Variants in UNC5D observed in about 807,000 individuals in gnomAD.
The protein encoded by UNC5D is netrin receptor UNC5D.
Under a neutral mutation model 105.4 loss-of-function variants are expected in UNC5D, and 39 were observed. That is an observed-to-expected ratio of 0.37 (90% confidence interval 0.29 to 0.48). UNC5D has a LOEUF of 0.48. UNC5D is among the 20% of genes least tolerant of loss of function. The pLI is 0.98. For synonymous variants in UNC5D, 452 were observed against 450.4 expected, an observed-to-expected ratio of 1.00 and a Z score of -0.04; for missense variants, 991 against 1,202.4, an observed-to-expected ratio of 0.82 and a Z score of 2.60.
intron 14 of UNC5D, among the ~76,000 whole-genome samples, chr8:35,761,924 G>A (rs1801553085): frequency 1.3e-5 from 2 of 152,260 alleles, no homozygotes; most frequent in East Asian, 3.9e-4. Context: ...CATGGAGAAT[G>A]GATAATGGCT....
chr8:35,244,703 G>A (rs1802982977), intron 1 of UNC5D, among the ~76,000 whole-genome samples: 1 of 152,092 alleles, frequency 6.6e-6, no homozygotes, highest in South Asian at 2.1e-4. Context: ...TTTTTCTCAG[G>A]TTTTGTTTTT....
intron 11 of UNC5D, among the ~76,000 whole-genome samples, chr8:35,747,588 G>C (rs1830067455): frequency 6.6e-6 from 1 of 152,058 alleles, no homozygotes; most frequent in Non-Finnish European, 1.5e-5. Context: ...GCAAACAAAG[G>C]ATCAAATAGC....
intron 1 of UNC5D, among the ~76,000 whole-genome samples, chr8:35,520,210 C>T (rs142162745): frequency 4.6e-5 from 7 of 152,094 alleles, no homozygotes; most frequent in African/African-American, 9.6e-5. Flanking sequence ...TAGCCAGACA[C>T]GAAATATTAT....
chr8:35,453,474 T>C (rs1808296684), intron 1 of UNC5D, among the ~76,000 whole-genome samples: 1 of 152,160 alleles, frequency 6.6e-6, no homozygotes. Flanking sequence ...TAAATGATTA[T>C]TATTTGAGGC....
chr8:35,325,435 T>A (rs1288675351), intron 1 of UNC5D, among the ~76,000 whole-genome samples: 1 of 152,066 alleles, frequency 6.6e-6, no homozygotes, highest in Non-Finnish European at 1.5e-5. Flanking sequence ...AAAGTAAGAT[T>A]GAAAAACCTA....
intron 1 of UNC5D, among the ~76,000 whole-genome samples, chr8:35,314,171 C>T (rs1392858722): frequency 3.3e-5 from 5 of 152,204 alleles, no homozygotes; most frequent in South Asian, 2.1e-4. Context: ...TAAAAGCAAG[C>T]GATTCCAAAC....
At chr8:35,332,611 C>G (rs1041479250) in intron 1 of UNC5D, among the ~76,000 whole-genome samples, 1 of 152,186 alleles carries the variant, frequency 6.6e-6, no homozygotes, top group African/African-American at 2.4e-5. Flanking sequence ...GGTAATTGAG[C>G]AATTTAATTG....
rs544217168 is a variant in UNC5D at position 35,411,791 on chromosome 8, AT to A, written c.104-137493del. Among the ~76,000 whole-genome samples, 294 of 151,848 alleles carry A rather than the reference AT, an allele frequency of 1.9e-3. 3 individuals are homozygous for A. The highest frequency in any genetic ancestry group is 6.7e-3 in the African/African-American group (279 of 41,430). ...TCTCCAGGAGAGCAAGGACTGTTTA[AT>A]TTTTTTTATCAATGTTTATCGGAAG... On this transcript the variant is annotated intron_variant, in intron 1 of 16. Coordinates refer to ENST00000404895, the MANE Select transcript of UNC5D (RefSeq NM_080872.4).
At chr8:35,310,561 A>G (rs1355031484) in intron 1 of UNC5D, among the ~76,000 whole-genome samples, 1 of 152,174 alleles carries the variant, frequency 6.6e-6, no homozygotes, top group Admixed American at 6.5e-5. Flanking sequence ...CTGAGGTTGC[A>G]GTGAGTTGAG....
chr8:35,500,576 C>A (rs1223783101), intron 1 of UNC5D, among the ~76,000 whole-genome samples: 1 of 152,172 alleles, frequency 6.6e-6, no homozygotes, highest in East Asian at 1.9e-4. Flanking sequence ...TCCCTGACAT[C>A]TTTCTTTTCT....
chr8:35,391,974 T>C (rs1234683967), intron 1 of UNC5D, among the ~76,000 whole-genome samples: 1 of 152,224 alleles, frequency 6.6e-6, no homozygotes, highest in African/African-American at 2.4e-5. Flanking sequence ...TCAATCTTGA[T>C]GGAGAAATGG....
chr8:35,355,485 T>A (rs989193105), intron 1 of UNC5D, among the ~76,000 whole-genome samples: 2 of 152,142 alleles, frequency 1.3e-5, no homozygotes, highest in African/African-American at 4.8e-5. Context: ...GTTCTGCTTA[T>A]CCTTTCTTCC....
intron 1 of UNC5D, among the ~76,000 whole-genome samples, chr8:35,488,131 G>T (rs1030302991): frequency 8.5e-5 from 13 of 152,172 alleles, no homozygotes; most frequent in African/African-American, 3.1e-4. Flanking sequence ...GAGAAAATGT[G>T]TACTGGAGAG....
rs376656267 is a variant in UNC5D at position 35,787,465 on chromosome 8, C to T, written c.2658-2894C>T. ...AGAGTCCACTCAGGCCTCGTCTCTCCATTTGCCTCTCTCCCAGCTGTTCCT... is the reference window on the plus strand; with the variant it reads ...AGAGTCCACTCAGGCCTCGTCTCTCTATTTGCCTCTCTCCCAGCTGTTCCT... On this transcript the variant is annotated intron_variant, in intron 16 of 16. Coordinates refer to ENST00000404895, the MANE Select transcript of UNC5D (RefSeq NM_080872.4). Among the ~76,000 whole-genome samples, 42 of 152,278 alleles carry T rather than the reference C, an allele frequency of 2.8e-4. 1 individual carries two copies. The highest frequency in any genetic ancestry group is 9.6e-4 in the African/African-American group (40 of 41,564).
At chr8:35,566,752 T>A (rs1817367908) in intron 2 of UNC5D, among the ~76,000 whole-genome samples, 1 of 152,196 alleles carries the variant, frequency 6.6e-6, no homozygotes, top group South Asian at 2.1e-4. Context: ...GTTCGAGACT[T>A]ATCATGACAT....
At chr8:35,775,501 A>C (rs1426373857) in intron 16 of UNC5D, among the ~76,000 whole-genome samples, 2 of 151,578 alleles carry the variant, frequency 1.3e-5, no homozygotes, top group African/African-American at 4.9e-5. Context: ...TGCCCTGAAA[A>C]ATGACATCTC....
chr8:35,320,022 G>T (rs1809607461), intron 1 of UNC5D, among the ~76,000 whole-genome samples: 1 of 152,062 alleles, frequency 6.6e-6, no homozygotes, highest in Admixed American at 6.6e-5. Context: ...TATTTGAAAA[G>T]ATTTATTCTA....
In UNC5D at chr8:35,707,890, CTGTTT is replaced by C. The variant is rs150530865; in HGVS notation, c.1117+1931_1117+1935del. Among the ~76,000 whole-genome samples the C allele has an allele frequency of 1.2e-3, 180 of 152,222 alleles. 1 individual carries two copies. Among genetic ancestry groups the C allele is most frequent in the African/African-American group, 4.2e-3 (176 of 41,550 alleles). ...GGATACTGCAACGGAATCGCTTAAA[CTGTTT>C]TAATTTGTGATTTCTCTAAAAATAA... On this transcript the variant is annotated intron_variant, in intron 8 of 16. Coordinates refer to ENST00000404895, the MANE Select transcript of UNC5D (RefSeq NM_080872.4).
At chr8:35,380,308 G>A (rs1390015576) in intron 1 of UNC5D, among the ~76,000 whole-genome samples, 1 of 151,232 alleles carries the variant, frequency 6.6e-6, no homozygotes, top group Admixed American at 6.6e-5. Flanking sequence ...CCCACTCTCT[G>A]CATTTAAACC....
Sources: gnomAD v4.1 joint callset for allele counts (sites outside exome capture counted in the v4.1 genomes callset) on GRCh38, gnomAD v4.1.1 for gene constraint, MANE v1.5 for transcripts, NCBI Gene and HGNC (gene_info 2026-07-23, HGNC 2026-07-21) for gene names.